Variants in RFX2 observed in about 807,000 individuals in gnomAD.
RFX2 encodes the protein regulatory factor X2.
RFX2 carries 20 observed loss-of-function variants against 87.8 expected under a neutral mutation model. The observed-to-expected ratio is 0.23, with a 90% confidence interval of 0.16 to 0.33. RFX2 has a LOEUF of 0.33. Ranked by LOEUF, RFX2 falls within the 10% of genes least tolerant of loss-of-function variation. The pLI is 1.00. For synonymous variants in RFX2, 397 were observed against 431.3 expected, an observed-to-expected ratio of 0.92 and a Z score of 0.98; for missense variants, 767 against 1,012.3, an observed-to-expected ratio of 0.76 and a Z score of 3.29.
intron 1 of RFX2, among the ~76,000 whole-genome samples, chr19:6,103,100 A>G (rs1426092879): frequency 6.6e-6 from 1 of 152,246 alleles, no homozygotes; most frequent in African/African-American, 2.4e-5. Flanking sequence ...TCATTATGTA[A>G]TAAATGACAA....
At chr19:6,003,289 T>C (rs1280264043) in intron 13 of RFX2, among the ~76,000 whole-genome samples, 1 of 152,022 alleles carries the variant, frequency 6.6e-6, no homozygotes, top group African/African-American at 2.4e-5. Flanking sequence ...GGTCTCAAAC[T>C]CGTGGCATCA....
In RFX2 at chr19:6,007,427, G is replaced by T. The variant is rs2086598078; in HGVS notation, c.1248-261C>A. 1.3e-5 allele frequency among the ~76,000 whole-genome samples: 2 copies of T among 152,186 alleles called. No individual in the cohort carries two copies. The highest frequency in any genetic ancestry group is 6.5e-5 in the Admixed American group (1 of 15,280). ...CATACTGCGTCTCACTGCAGCTATG[G>T]GTTGGGGTCACTTCTACTTGGGATT... On this transcript the variant is annotated intron_variant, in intron 11 of 17. Coordinates refer to ENST00000303657, the MANE Select transcript of RFX2 (RefSeq NM_000635.4). The surrounding 1 kb of genome is among the most constrained non-coding windows in gnomAD (Gnocchi z 8.2).
Position 6,002,790 on chromosome 19 carries a change from C to T in RFX2, c.1581G>A (p.Val527=), listed in dbSNP as rs142533246. 1.4e-4 allele frequency: 221 copies of T among 1,613,776 alleles called. No individual in the cohort carries two copies. Among genetic ancestry groups the T allele is most frequent in the Non-Finnish European group, 1.8e-4 (215 of 1,179,958 alleles). The stretch of plus-strand genomic sequence containing the variant: ...GGTTGATCTGGGACGTGTTCTGCAG[C>T]ACCGCCCGGGCCGCCTGCGCCAGGT... ...LNHLAQAARA[V]LQNTSQINQM... The change falls in exon 14 of 18, where the codon GTG becomes GTA. Residue 527 remains valine (V), a synonymous_variant. Coordinates refer to ENST00000303657, the MANE Select transcript of RFX2 (RefSeq NM_000635.4). This position sits in a 1 kb window ranked among gnomAD's most constrained non-coding sequence, Gnocchi z 6.7.
chr19:6,040,497 C>T lies in RFX2; in HGVS notation c.261-256G>A, dbSNP rs550499532. Among the ~76,000 whole-genome samples the T allele has an allele frequency of 3.3e-5, 5 of 152,288 alleles. No individual in the cohort carries two copies. The highest frequency in any genetic ancestry group is 2.1e-4 in the South Asian group (1 of 4,824). On this transcript the variant is annotated intron_variant, in intron 4 of 17. Coordinates refer to ENST00000303657, the MANE Select transcript of RFX2 (RefSeq NM_000635.4). The surrounding 1 kb of genome is among the most constrained non-coding windows in gnomAD (Gnocchi z 6.1). Reference sequence around the variant, plus strand: ...ATTCTAGGCCAGGCGTGGTGGCTCACGCCTGTAATCCCAGCACTTTGGGAG... The same window carrying T: ...ATTCTAGGCCAGGCGTGGTGGCTCATGCCTGTAATCCCAGCACTTTGGGAG...
rs191124559 is a variant in RFX2, at chr19:6,104,699, A to G, written c.-9+5694T>C. 3.3e-3 allele frequency among the ~76,000 whole-genome samples: 502 copies of G among 152,214 alleles called. 2 individuals carry two copies. The highest frequency in any genetic ancestry group is 0.011 in the African/African-American group (470 of 41,532). ...TGAGATTGCAGGTGTGAGCCACCAC[A>G]CCCAATGCAGCTCTCAACTCTTCAT... is the stretch of plus-strand genomic sequence containing the variant. On this transcript the variant is annotated intron_variant, in intron 1 of 17. Coordinates refer to ENST00000303657, the MANE Select transcript of RFX2 (RefSeq NM_000635.4).
intron 5 of RFX2, among the ~76,000 whole-genome samples, chr19:6,032,474 A>G (rs2086965330): frequency 6.6e-6 from 1 of 152,182 alleles, no homozygotes; most frequent in South Asian, 2.1e-4. Context: ...GAATGACTGG[A>G]ATTTTGAAGG....
chr19:6,026,406 A>G lies in RFX2; in HGVS notation c.523-169T>C. On this transcript the variant is annotated intron_variant, in intron 5 of 17. Transcript: ENST00000303657. This position sits in a 1 kb window ranked among gnomAD's most constrained non-coding sequence, Gnocchi z 4.5. ...CGCAGGCAGGGCGGGGGTGAGTTAAATTGTGCATGAAAGCTGCGGTAGGGA... is the reference window on the plus strand; with the variant it reads ...CGCAGGCAGGGCGGGGGTGAGTTAAGTTGTGCATGAAAGCTGCGGTAGGGA... The G allele has an allele frequency of 1.6e-6, 1 of 632,578 alleles. No individual in the cohort carries two copies. Among genetic ancestry groups the G allele is most frequent in the South Asian group, 2.0e-5 (1 of 50,992 alleles). The allele number at this position is 632,578 out of a possible 1,614,324, so 39.2% of individuals were successfully genotyped here.
intron 1 of RFX2, among the ~76,000 whole-genome samples, chr19:6,076,416 C>T (rs2087693156): frequency 6.6e-6 from 1 of 152,150 alleles, no homozygotes; most frequent in South Asian, 2.1e-4. Context: ...TACGGTGCAT[C>T]CTAGCTCTAA....
chr19:6,072,252 A>G (rs912030088), intron 1 of RFX2: 45 of 152,270 alleles, frequency 3.0e-4, no homozygotes, highest in African/African-American at 1.1e-3. Flanking sequence ...AGATTTGGAC[A>G]AATTGCCACC....
At chr19:6,106,067 C>T (rs183936377) in intron 1 of RFX2, among the ~76,000 whole-genome samples, 259 of 152,358 alleles carry the variant, frequency 1.7e-3, no homozygotes, top group African/African-American at 6.0e-3. Flanking sequence ...CCTTTTGCCA[C>T]TCCTCCTTCA....
At position 6,007,306 on chromosome 19, in the gene RFX2, A is replaced by G; in HGVS notation, c.1248-140T>C. 1.2e-6 allele frequency: 1 copy of G among 802,142 alleles called. No homozygotes were observed. The allele number at this position is 802,142 out of a possible 1,614,324, so 49.7% of individuals were successfully genotyped here. On this transcript the variant is annotated intron_variant, in intron 11 of 17. Transcript: ENST00000303657. This position sits in a 1 kb window ranked among gnomAD's most constrained non-coding sequence, Gnocchi z 8.2. The stretch of plus-strand genomic sequence containing the variant: ...TTTTGCTCCCCATCCCTGAGCCTCG[A>G]TGGGTCCCCTCCCTCCATGTTGCTC...
chr19:6,047,346 A>AGG lies in RFX2; in HGVS notation c.90+60_90+61insCC. The AGG allele has an allele frequency of 1.5e-6, 2 of 1,351,632 alleles. No individual in the cohort carries two copies. The highest frequency in any genetic ancestry group is 2.0e-6 in the Non-Finnish European group (2 of 977,066). The allele number at this position is 1,351,632 out of a possible 1,614,324, so 83.7% of individuals were successfully genotyped here. On this transcript the variant is annotated intron_variant, in intron 2 of 17. Transcript: ENST00000303657. The surrounding 1 kb of genome is among the most constrained non-coding windows in gnomAD (Gnocchi z 4.2). Reference sequence around the variant, plus strand: ...TCTTTGCAGATCTGAGCAGCTTTCAAACCCATAGAGATCGCGTCCACACTG... The same window carrying AGG: ...TCTTTGCAGATCTGAGCAGCTTTCAAGGACCCATAGAGATCGCGTCCACACTG...
At chr19:6,082,346 T>C (rs900020700) in intron 1 of RFX2, among the ~76,000 whole-genome samples, 8 of 150,390 alleles carry the variant, frequency 5.3e-5, no homozygotes, top group Non-Finnish European at 1.5e-5. Context: ...AGATGTTGAA[T>C]CTAGTTTGGT....
rs1305676154 is a variant in RFX2 at position 6,004,013 on chromosome 19, G to C, written c.1500+188C>G. Among the ~76,000 whole-genome samples, 1 of 152,148 alleles carries C rather than the reference G, an allele frequency of 6.6e-6. No homozygotes were observed. The highest frequency in any genetic ancestry group is 1.5e-5 in the Non-Finnish European group (1 of 68,028). On this transcript the variant is annotated intron_variant, in intron 13 of 17. Coordinates refer to ENST00000303657, the MANE Select transcript of RFX2 (RefSeq NM_000635.4). The surrounding 1 kb of genome is among the most constrained non-coding windows in gnomAD (Gnocchi z 4.8). Reference sequence around the variant, plus strand: ...GATGTGACATCAAATGACATCTTCTGTTGTTCCCCTTCCTGCCAGCACTGA... The same window carrying C: ...GATGTGACATCAAATGACATCTTCTCTTGTTCCCCTTCCTGCCAGCACTGA...
rs1421554382 is a variant in RFX2 at position 6,016,687 on chromosome 19, G to A, written c.598-416C>T. On this transcript the variant is annotated intron_variant, in intron 6 of 17. Transcript: ENST00000303657. The surrounding 1 kb of genome is among the most constrained non-coding windows in gnomAD (Gnocchi z 5.4). ...ATTACAGGCGTGAGCCACCGTGCCT[G>A]GCCAGAAATCCATCTTTATGGTCAC... 6.6e-6 allele frequency among the ~76,000 whole-genome samples: 1 copy of A among 152,182 alleles called. No homozygotes were observed. Among genetic ancestry groups the A allele is most frequent in the Non-Finnish European group, 1.5e-5 (1 of 68,024 alleles).
Position 6,010,136 on chromosome 19 carries a change from C to A in RFX2, c.1015G>T (p.Asp339Tyr). The change falls in exon 9 of 18, where the codon GAT becomes TAT. Residue 339 changes from aspartate (D) to tyrosine (Y), a missense_variant and splice_region_variant. Asp to Tyr is a radical substitution (Grantham distance 160). Coordinates refer to ENST00000303657, the MANE Select transcript of RFX2 (RefSeq NM_000635.4). The surrounding 1 kb of genome is among the most constrained non-coding windows in gnomAD (Gnocchi z 5.0). Reference sequence around the variant, plus strand: ...CCCCGGGCCTGACCGGGCCTCTCACCTATGTACTGCTGGTGGTGCTGGCTC... The same window carrying A: ...CCCCGGGCCTGACCGGGCCTCTCACATATGTACTGCTGGTGGTGCTGGCTC... ...VQSQHHQQYI[D>Y]VSHVFPEFPA... The A allele has an allele frequency of 6.5e-7, 1 of 1,544,942 alleles. No individual in the cohort carries two copies. The highest frequency in any genetic ancestry group is 8.7e-7 in the Non-Finnish European group (1 of 1,143,286).
rs1326504564 is a variant in RFX2, at chr19:6,053,308, A to G, written c.-8-5804T>C. 3.3e-5 allele frequency among the ~76,000 whole-genome samples: 5 copies of G among 152,350 alleles called. No individual in the cohort carries two copies. In the East Asian group the frequency reaches 9.6e-4, roughly 29 times the overall value. On this transcript the variant is annotated intron_variant, in intron 1 of 17. Transcript: ENST00000303657. Reference sequence around the variant, plus strand: ...TTGGAAAAGGCAAAACTATGAAGACAATGAAAAGATCAGTGGTTGCCAGGT... The same window carrying G: ...TTGGAAAAGGCAAAACTATGAAGACGATGAAAAGATCAGTGGTTGCCAGGT...
At chr19:6,090,020 G>A (rs867244290) in intron 1 of RFX2, among the ~76,000 whole-genome samples, 1 of 152,250 alleles carries the variant, frequency 6.6e-6, no homozygotes, top group South Asian at 2.1e-4. Context: ...GGAGTACAGT[G>A]GCATGTACAT....
In RFX2 at chr19:6,013,180, C is replaced by T; in HGVS notation, c.780-75G>A. 7.2e-7 allele frequency: 1 copy of T among 1,391,974 alleles called. No individual in the cohort carries two copies. 86.2% of individuals were successfully genotyped at this position (1,391,974 alleles called of 1,614,324 possible). On this transcript the variant is annotated intron_variant, in intron 7 of 17. Coordinates refer to ENST00000303657, the MANE Select transcript of RFX2 (RefSeq NM_000635.4). The surrounding 1 kb of genome is among the most constrained non-coding windows in gnomAD (Gnocchi z 4.1). ...AACAAGACAGGTTGGGATTCTTTTT[C>T]TTTCTTTCTTCTTTTTTTTTTTTGA... is the stretch of plus-strand genomic sequence containing the variant.
Sources: allele counts gnomAD v4.1 joint callset (sites outside exome capture counted in the v4.1 genomes callset), GRCh38; gene constraint gnomAD v4.1.1; non-coding constraint Gnocchi (gnomAD v3.1); transcripts MANE v1.5; gene names NCBI Gene and HGNC (gene_info 2026-07-23, HGNC 2026-07-21).